The following LRRC37A2 variants were observed in gnomAD, a reference collection of about 807,000 sequenced individuals.
LRRC37A2 encodes leucine-rich repeat-containing protein 37A2.
LRRC37A2 carries 9 observed loss-of-function variants against 68.8 expected under a neutral mutation model. The ratio of observed to expected loss-of-function variants is 0.13; its 90% confidence interval spans 0.08 to 0.23. The LOEUF is 0.23. Among genes scored for constraint, LRRC37A2 ranks in the 10% least tolerant of loss-of-function variants. LRRC37A2 has a pLI of 1.00. For missense variants in LRRC37A2, 168 were observed against 950.4 expected, an observed-to-expected ratio of 0.18 and a Z score of 10.82; for synonymous variants, 63 against 367.6, an observed-to-expected ratio of 0.17 and a Z score of 9.48.
At chr17:46,945,461 T>C in the LRRC37A2 span, among the ~76,000 whole-genome samples, 1 of 152,148 alleles carries the variant, frequency 6.6e-6, no homozygotes, top group Non-Finnish European at 1.5e-5. Context: ...TTGGCAGACA[T>C]GGCGTAGAAT....
At chr17:46,842,042 T>C in the LRRC37A2 span, among the ~76,000 whole-genome samples, 1 of 152,190 alleles carries the variant, frequency 6.6e-6, no homozygotes, top group African/African-American at 2.4e-5. Context: ...GGGCCTGGGC[T>C]GGCCTGGGGA....
chr17:46,795,749 C>T, the LRRC37A2 span, among the ~76,000 whole-genome samples: 3 of 152,188 alleles, frequency 2.0e-5, no homozygotes, highest in African/African-American at 2.4e-5. Flanking sequence ...CAGCCCCACC[C>T]GGGGATCTCT....
At chr17:47,045,223 T>C in the LRRC37A2 span, among the ~76,000 whole-genome samples, 97 of 137,138 alleles carry the variant, frequency 7.1e-4, no homozygotes, top group African/African-American at 2.4e-3. Flanking sequence ...ACTCTATACA[T>C]TGTACTCCCA....
chr17:46,840,031 C>T, the LRRC37A2 span, among the ~76,000 whole-genome samples: 12 of 66,140 alleles, frequency 1.8e-4, no homozygotes, highest in Admixed American at 3.3e-4. Flanking sequence ...TTCTTTCTTT[C>T]TTTTCTTTCT....
chr17:46,934,925 C>T, the LRRC37A2 span: 3 of 988,868 alleles, frequency 3.0e-6, no homozygotes, highest in Non-Finnish European at 4.9e-6. Flanking sequence ...TTTCACCAGC[C>T]CCTCCGGCTG....
chr17:46,773,492 C>T, the LRRC37A2 span, among the ~76,000 whole-genome samples: 9 of 152,216 alleles, frequency 5.9e-5, no homozygotes, highest in African/African-American at 1.9e-4. Context: ...CATCTCAAGG[C>T]GGCCCAGCCC....
At chr17:46,821,905 C>G in the LRRC37A2 span, among the ~76,000 whole-genome samples, 4 of 152,356 alleles carry the variant, frequency 2.6e-5, no homozygotes, top group East Asian at 5.8e-4. Context: ...GCCAGGCCCC[C>G]GCCCGCCCTC....
At chr17:46,839,120 C>T in the LRRC37A2 span, among the ~76,000 whole-genome samples, 8 of 152,268 alleles carry the variant, frequency 5.3e-5, no homozygotes, top group South Asian at 1.5e-3. Flanking sequence ...TCAGGAGTTC[C>T]GCCCGCCTCG....
chr17:46,768,979 C>G, the LRRC37A2 span, among the ~76,000 whole-genome samples: 1 of 152,212 alleles, frequency 6.6e-6, no homozygotes, highest in Non-Finnish European at 1.5e-5. The surrounding 1 kb of genome is among the most constrained non-coding windows in gnomAD (Gnocchi z 5.0). Flanking sequence ...TTTCCCTCCC[C>G]CTTCACACCC....
the LRRC37A2 span, among the ~76,000 whole-genome samples, chr17:46,760,376 GT>G: frequency 6.6e-6 from 1 of 152,040 alleles, no homozygotes; most frequent in Non-Finnish European, 1.5e-5. Flanking sequence ...GCTCATGCCT[GT>G]AGTCCCAATG....
chr17:46,736,487 C>G, the LRRC37A2 span, among the ~76,000 whole-genome samples: 1 of 152,178 alleles, frequency 6.6e-6, no homozygotes, highest in Admixed American at 6.5e-5. Flanking sequence ...AAGCCCTGGC[C>G]CTCCCTCTAC....
the LRRC37A2 span, among the ~76,000 whole-genome samples, chr17:46,773,180 G>A: frequency 6.6e-6 from 1 of 152,072 alleles, no homozygotes. Flanking sequence ...TGATTCCTGG[G>A]CATATCCAGC....
the LRRC37A2 span, among the ~76,000 whole-genome samples, chr17:46,687,499 T>G: frequency 1.4e-5 from 2 of 144,672 alleles, no homozygotes; most frequent in Admixed American, 1.4e-4. Context: ...CCACCCTACA[T>G]GCAAGCAATA....
the LRRC37A2 span, among the ~76,000 whole-genome samples, chr17:46,765,788 G>C: frequency 6.6e-6 from 1 of 152,254 alleles, no homozygotes; most frequent in African/African-American, 2.4e-5. Flanking sequence ...TCCTGGGCCA[G>C]GCCCTTCATG....
the LRRC37A2 span, among the ~76,000 whole-genome samples, chr17:46,828,069 G>A: frequency 5.8e-3 from 876 of 151,992 alleles, 26 homozygotes; most frequent in Admixed American, 0.035. Context: ...CTCATGATCC[G>A]CCCACCTCGG....
chr17:46,543,531 C>T (rs1398705278), intron 8 of LRRC37A2, among the ~76,000 whole-genome samples: 1 of 150,854 alleles, frequency 6.6e-6, no homozygotes, highest in East Asian at 1.9e-4. Context: ...TATGAAGTTC[C>T]ATTGAGTGAT....
At chr17:46,753,339 T>C in the LRRC37A2 span, among the ~76,000 whole-genome samples, 1 of 152,366 alleles carries the variant, frequency 6.6e-6, no homozygotes, top group East Asian at 1.9e-4. Context: ...GTGAAGTGAA[T>C]GCTTTTTAAT....
At chr17:46,723,568 A>G in the LRRC37A2 span, among the ~76,000 whole-genome samples, 1 of 152,224 alleles carries the variant, frequency 6.6e-6, no homozygotes, top group Non-Finnish European at 1.5e-5. Context: ...AGGAGAAGAT[A>G]AAAGGCCCTT....
At chr17:46,856,404 A>G in the LRRC37A2 span, among the ~76,000 whole-genome samples, 2 of 152,176 alleles carry the variant, frequency 1.3e-5, no homozygotes, top group African/African-American at 4.8e-5. Flanking sequence ...TGTCATTACT[A>G]TAATTCCATT....
Sources: allele counts gnomAD v4.1 joint callset (sites outside exome capture counted in the v4.1 genomes callset), GRCh38; gene constraint gnomAD v4.1.1; non-coding constraint Gnocchi (gnomAD v3.1); transcripts MANE v1.5; gene names NCBI Gene and HGNC (gene_info 2026-07-23, HGNC 2026-07-21).